PCDHGB5: variants seen among roughly 807,000 people sequenced by gnomAD.
PCDHGB5 encodes the protein protocadherin gamma-B5.
A neutral mutation model predicts 62.9 loss-of-function variants in PCDHGB5; 48 were observed. The observed-to-expected ratio is 0.76, with a 90% confidence interval of 0.61 to 0.97. The LOEUF (loss-of-function observed/expected upper bound fraction) is 0.97, where lower values mean the gene tolerates loss of function less well. Ranked by LOEUF, PCDHGB5 falls within the 50% of genes least tolerant of loss-of-function variation. PCDHGB5 has a pLI of 0.00. For missense variants in PCDHGB5, 1,118 were observed against 1,198.6 expected (o/e 0.93, Z 0.99); for synonymous variants, 474 against 511.2 (o/e 0.93, Z 0.98).
At chr5:141,469,886 T>A (rs766990419) in intron 1 of PCDHGB5, among the ~76,000 whole-genome samples, 4 of 152,208 alleles carry the variant, frequency 2.6e-5, no homozygotes, top group Non-Finnish European at 4.4e-5. Context: ...ATCTCGGCAC[T>A]TTGGGAAGCC....
chr5:141,434,802 G>A (rs1009500775), intron 1 of PCDHGB5, among the ~76,000 whole-genome samples: 10 of 151,488 alleles, frequency 6.6e-5, no homozygotes, highest in African/African-American at 2.4e-4. Flanking sequence ...TTCTGAGCTT[G>A]GAGAAATATA....
chr5:141,403,074 A>T (rs777613681), intron 1 of PCDHGB5: 1 of 1,614,088 alleles, frequency 6.2e-7, no homozygotes, highest in South Asian at 1.1e-5. Context: ...GAGACAGAAA[A>T]GGGCTATATT....
At chr5:141,488,146 A>G (rs1458115635) in intron 1 of PCDHGB5, among the ~76,000 whole-genome samples, 2 of 152,164 alleles carry the variant, frequency 1.3e-5, no homozygotes, top group South Asian at 4.1e-4. Context: ...AACTAAAGGA[A>G]TAGAGAGGCA....
At chr5:141,478,519 G>A in intron 1 of PCDHGB5, 2 of 1,610,728 alleles carry the variant, frequency 1.2e-6, no homozygotes, top group Non-Finnish European at 1.7e-6. Context: ...GGCAGGTGTT[G>A]GGTGCAGAGA....
chr5:141,417,556 A>G, intron 1 of PCDHGB5: 1 of 333,096 alleles, frequency 3.0e-6, no homozygotes, highest in Non-Finnish European at 5.4e-6. Flanking sequence ...TGAAAGAGGT[A>G]GAGAAAAGTC....
In PCDHGB5 at chr5:141,511,402, A is replaced by C; in HGVS notation, c.*229A>C. On this transcript the variant is annotated 3_prime_UTR_variant, in exon 4 of 4. Transcript: ENST00000617380. Reference sequence around the variant, plus strand: ...TTCCGCTGGGAACCCCCATCCAATCAACTGCTGTACCCATGGGGGTAGTGG... The same window carrying C: ...TTCCGCTGGGAACCCCCATCCAATCCACTGCTGTACCCATGGGGGTAGTGG... The C allele has an allele frequency of 1.0e-6, 1 of 969,684 alleles. No individual in the cohort carries two copies. 60.1% of individuals were successfully genotyped at this position (969,684 alleles called of 1,614,324 possible).
Position 141,418,036 on chromosome 5 carries a change from G to C in PCDHGB5, c.2397+17512G>C, listed in dbSNP as rs933500300. ...CTAAGGATCTAGGGCTTAGTGTCCT[G>C]GATGTGTCGGCTCGCGAGCTGCGAG... On this transcript the variant is annotated intron_variant, in intron 1 of 3. Coordinates refer to ENST00000617380, the MANE Select transcript of PCDHGB5 (RefSeq NM_018925.3). 3.7e-6 allele frequency: 6 copies of C among 1,613,902 alleles called. No individual in the cohort carries two copies. The African/African-American group carries it at 8.0e-5, about 22-fold the overall frequency.
intron 2 of PCDHGB5, among the ~76,000 whole-genome samples, chr5:141,503,963 C>T (rs900066192): frequency 7.2e-5 from 11 of 152,188 alleles, no homozygotes; most frequent in Admixed American, 6.5e-4. Flanking sequence ...ACAGCCTTTC[C>T]CATGGTGCCA....
chr5:141,428,120 C>G (rs756805763), intron 1 of PCDHGB5: 2 of 1,606,528 alleles, frequency 1.2e-6, no homozygotes, highest in South Asian at 1.1e-5. Context: ...CCATCGAGCC[C>G]GGGCTTTTCA....
Position 141,432,436 on chromosome 5 carries a change from G to A in PCDHGB5, c.2397+31912G>A, listed in dbSNP as rs753833603. On this transcript the variant is annotated intron_variant, in intron 1 of 3. Coordinates refer to ENST00000617380, the MANE Select transcript of PCDHGB5 (RefSeq NM_018925.3). The surrounding 1 kb of genome is among the most constrained non-coding windows in gnomAD (Gnocchi z 6.0). ...TCGTGCTGGACCAGAACGACAATGC[G>A]CCCGAGATCCTGTACCCCGCCCTCC... The A allele has an allele frequency of 4.3e-6, 7 of 1,614,196 alleles. No homozygotes were observed. The highest frequency in any genetic ancestry group is 1.1e-5 in the South Asian group (1 of 91,084).
In PCDHGB5 at chr5:141,486,585, GGGA is replaced by G; in HGVS notation, c.2398-8221_2398-8219del. The G allele has an allele frequency of 6.2e-7, 1 of 1,613,708 alleles. No individual in the cohort carries two copies. Among genetic ancestry groups the G allele is most frequent in the Non-Finnish European group, 8.5e-7 (1 of 1,180,024 alleles). On this transcript the variant is annotated intron_variant, in intron 1 of 3. Transcript: ENST00000617380. This position sits in a 1 kb window ranked among gnomAD's most constrained non-coding sequence, Gnocchi z 5.0. ...TTTGTTCCTGAGAACAATCGCCCAG[GGGA>G]CCTGCTTTGCTCCCTTGCAGCCTCT...
chr5:141,484,864 A>G, intron 1 of PCDHGB5: 1 of 263,722 alleles, frequency 3.8e-6, no homozygotes, highest in Non-Finnish European at 7.2e-6. Context: ...GGGGTGGGGG[A>G]GCGTGGAGGA....
chr5:141,403,051 C>G (rs1273209859), intron 1 of PCDHGB5: 1 of 1,614,086 alleles, frequency 6.2e-7, no homozygotes, highest in African/African-American at 1.3e-5. Flanking sequence ...AGATTCGCTA[C>G]TCAGTGCCTG....
Position 141,399,001 on chromosome 5 carries a change from T to G in PCDHGB5, c.874T>G (p.Ser292Ala). ...YRTGQIFSLNSKSGEITTQKK... is the reference protein window; with the variant it reads ...YRTGQIFSLNAKSGEITTQKK... The stretch of plus-strand genomic sequence containing the variant: ...AACCGGGCAAATCTTTAGTCTGAAT[T>G]CAAAGAGCGGAGAAATTACCACTCA... Residue 292 changes from serine to alanine, a missense_variant, in exon 1 of 4, where the codon TCA (serine) becomes GCA (alanine). Around this residue, in one of 2 missense-constraint regions of PCDHGB5, gnomAD observed 1,034 missense variants for 1,029.1 expected, o/e 1.00. Transcript: ENST00000617380. The G allele has an allele frequency of 6.2e-7, 1 of 1,613,890 alleles. No individual in the cohort carries two copies. Among genetic ancestry groups the G allele is most frequent in the Non-Finnish European group, 8.5e-7 (1 of 1,179,890 alleles).
chr5:141,490,445 A>G lies in PCDHGB5; in HGVS notation c.2398-4362A>G, dbSNP rs2099700298. 6.2e-7 allele frequency: 1 copy of G among 1,614,022 alleles called. No individual in the cohort carries two copies. The highest frequency in any genetic ancestry group is 8.5e-7 in the Non-Finnish European group (1 of 1,180,030). ...CCATTTCAGATTAAGCCTTCTGAGA[A>G]CCACTACTCGCTGCTAACCAGCCAG... On this transcript the variant is annotated intron_variant, in intron 1 of 3. Coordinates refer to ENST00000617380, the MANE Select transcript of PCDHGB5 (RefSeq NM_018925.3). The surrounding 1 kb of genome is among the most constrained non-coding windows in gnomAD (Gnocchi z 5.4).
chr5:141,430,832 G>A (rs1398773861), intron 1 of PCDHGB5: 1 of 1,555,686 alleles, frequency 6.4e-7, no homozygotes, highest in South Asian at 1.3e-5. Flanking sequence ...GACTCTGTGG[G>A]AGACCGGATG....
intron 1 of PCDHGB5, among the ~76,000 whole-genome samples, chr5:141,472,980 CAAAAA>C (rs60579131): frequency 1.2e-5 from 1 of 86,106 alleles, no homozygotes; most frequent in African/African-American, 3.9e-5. Flanking sequence ...GAGTGAAACT[CAAAAA>C]AAAAAAAAAA....
intron 1 of PCDHGB5, among the ~76,000 whole-genome samples, chr5:141,437,310 C>T (rs1226274834): frequency 6.6e-6 from 1 of 152,166 alleles, no homozygotes; most frequent in Non-Finnish European, 1.5e-5. Flanking sequence ...TTAAAGCGTT[C>T]AGCTATAATT....
In PCDHGB5 at chr5:141,490,004, CA is replaced by C; in HGVS notation, c.2398-4802del. 1 of 1,614,174 alleles carries C rather than the reference CA, an allele frequency of 6.2e-7. No individual in the cohort carries two copies. Among genetic ancestry groups the C allele is most frequent in the Admixed American group, 1.7e-5 (1 of 60,034 alleles). ...CTACGTGTGGGAATCCCAGAGAATG[CA>C]CCCATTGGTACTCTGCTGCTCCGCC... On this transcript the variant is annotated intron_variant, in intron 1 of 3. Transcript: ENST00000617380. This position sits in a 1 kb window ranked among gnomAD's most constrained non-coding sequence, Gnocchi z 5.4.
Sources: gnomAD v4.1 joint callset for allele counts (sites outside exome capture counted in the v4.1 genomes callset) on GRCh38, gnomAD v4.1.1 for gene constraint, gnomAD v4.1.1 regional missense constraint, Gnocchi (gnomAD v3.1) non-coding constraint, MANE v1.5 for transcripts, NCBI Gene and HGNC (gene_info 2026-07-23, HGNC 2026-07-21) for gene names.